The following COL27A1 variants were observed in gnomAD, a reference collection of about 807,000 sequenced individuals.
The protein encoded by COL27A1 is collagen alpha-1(XXVII) chain.
COL27A1 carries 106 observed loss-of-function variants against 251.3 expected under a neutral mutation model. The ratio of observed to expected loss-of-function variants is 0.42; its 90% confidence interval spans 0.36 to 0.50. The LOEUF is 0.50. Among genes scored for constraint, COL27A1 ranks in the 20% least tolerant of loss-of-function variants. The pLI, the probability that COL27A1 is intolerant of heterozygous loss-of-function variation, is 0.00. For synonymous variants in COL27A1, 1,000 were observed against 986.3 expected, an observed-to-expected ratio of 1.01 and a Z score of -0.26; for missense variants, 2,325 against 2,522.8, an observed-to-expected ratio of 0.92 and a Z score of 1.68.
chr9:114,240,525 C>G lies in COL27A1; in HGVS notation c.2835+38C>G, dbSNP rs775165487. The stretch of plus-strand genomic sequence containing the variant: ...GGCCCCCTCCACTGCCCATCCTGGC[C>G]TGATTGCAGCCCCCAGCCTGCCCTG... On this transcript the variant is annotated intron_variant, in intron 21 of 60. Transcript: ENST00000356083. 6 of 1,582,562 alleles carry G rather than the reference C, an allele frequency of 3.8e-6. No individual in the cohort carries two copies. In the South Asian group the frequency reaches 6.7e-5, roughly 18 times the overall value.
chr9:114,233,100 C>G (rs1463785906), intron 16 of COL27A1, among the ~76,000 whole-genome samples: 1 of 152,196 alleles, frequency 6.6e-6, no homozygotes, highest in Admixed American at 6.5e-5. Flanking sequence ...GGCCACGCAG[C>G]TGGTAAGTAG....
chr9:114,289,008 A>G, intron 44 of COL27A1, 41 bp downstream of exon 44: 1 of 1,603,018 alleles, frequency 6.2e-7, no homozygotes, highest in Non-Finnish European at 8.5e-7. Flanking sequence ...TCCCACCCTG[A>G]GTGGGGCGGA....
chr9:114,200,480 C>G (rs1161266680), intron 7 of COL27A1, among the ~76,000 whole-genome samples: 4 of 152,214 alleles, frequency 2.6e-5, no homozygotes, highest in African/African-American at 9.6e-5. Context: ...TGCTGGGACT[C>G]AACAGACATT....
Position 114,251,810 on chromosome 9 carries a change from C to T in COL27A1, c.3034-783C>T, listed in dbSNP as rs796770315. Among the ~76,000 whole-genome samples the T allele has an allele frequency of 3.6e-4, 55 of 152,362 alleles. 1 individual carries two copies. The highest frequency in any genetic ancestry group is 1.3e-3 in the African/African-American group (53 of 41,592). On this transcript the variant is annotated intron_variant, in intron 25 of 60. Coordinates refer to ENST00000356083, the MANE Select transcript of COL27A1 (RefSeq NM_032888.4). ...CTTCCCGAGGGAAGCTTTCCCTGAC[C>T]GGCTCTGCCCCCAAGTGGGTCAAGT...
chr9:114,278,915 A>G (rs1323519943), intron 37 of COL27A1, among the ~76,000 whole-genome samples: 1 of 152,102 alleles, frequency 6.6e-6, no homozygotes, highest in Admixed American at 6.5e-5. Flanking sequence ...AAATGCATCT[A>G]TATGGATGGG....
intron 13 of COL27A1, among the ~76,000 whole-genome samples, chr9:114,221,967 C>T (rs1831140565): frequency 1.3e-5 from 2 of 152,262 alleles, no homozygotes; most frequent in Admixed American, 6.5e-5. Context: ...TTCCTTTATG[C>T]TTCCAATGGG....
intron 12 of COL27A1, 137 bp from the exon 13 acceptor site, chr9:114,219,654 C>T (rs917313398): frequency 3.4e-5 from 22 of 656,638 alleles, no homozygotes; most frequent in Admixed American, 4.7e-5. Flanking sequence ...ACCTCAGGAC[C>T]GCACTGTCTG....
chr9:114,167,912 C>T lies in COL27A1; in HGVS notation c.357C>T (p.Ser119=). The T allele has an allele frequency of 6.2e-7, 1 of 1,612,438 alleles. No individual in the cohort carries two copies. Among genetic ancestry groups the T allele is most frequent in the Non-Finnish European group, 8.5e-7 (1 of 1,179,828 alleles). ...ATGCCTTCCTCTTCGCTGTCCGCAG[C>T]CAGAAACGCAAGCTGCAGCTGGGCC... ...VNHAFLFAVR[S]QKRKLQLGLQ... is the part of the protein sequence containing the mutation. Residue 119 remains serine, a synonymous_variant, in exon 3 of 61, where the codon AGC becomes AGT. Transcript: ENST00000356083.
At chr9:114,234,095 G>A (rs1832170661) in intron 16 of COL27A1, among the ~76,000 whole-genome samples, 1 of 151,918 alleles carries the variant, frequency 6.6e-6, no homozygotes, top group South Asian at 2.1e-4. Flanking sequence ...CAAAGCTCCT[G>A]CTCCGAGCCC....
At chr9:114,278,605 A>G (rs76837930) in intron 37 of COL27A1, among the ~76,000 whole-genome samples, 25,129 of 132,116 alleles carry the variant, frequency 0.19, 2,732 homozygotes, top group East Asian at 0.29. Flanking sequence ...GGGAGTGGTG[A>G]TGATGATGAT....
chr9:114,311,023 C>A lies in COL27A1; in HGVS notation c.*328C>A, dbSNP rs191710810. On this transcript the variant is annotated 3_prime_UTR_variant, in exon 61 of 61. Transcript: ENST00000356083. ...CCAGCTTCCTGCCCAAAGAGCCCCA[C>A]ATTCAAGCCAACTTGAGGGAAGGGG... 3.4e-5 allele frequency: 9 copies of A among 263,420 alleles called. No individual in the cohort carries two copies. The East Asian group carries it at 5.2e-4, about 15-fold the overall frequency. The allele number at this position is 263,420 out of a possible 1,614,324, so 16.3% of individuals were successfully genotyped here. A position where few individuals can be genotyped will look rare whatever the true frequency, so the allele number is the denominator to read the frequency against.
Position 114,252,664 on chromosome 9 carries a change from A to C in COL27A1, c.3087+18A>C. Reference sequence around the variant, plus strand: ...GGTCGATGGTAAGGAGTAAGTCTGCATCCTCTTGCCCTCTCCTGTTGCAGC... The same window carrying C: ...GGTCGATGGTAAGGAGTAAGTCTGCCTCCTCTTGCCCTCTCCTGTTGCAGC... On this transcript the variant is annotated intron_variant, in intron 26 of 60. Coordinates refer to ENST00000356083, the MANE Select transcript of COL27A1 (RefSeq NM_032888.4). The C allele has an allele frequency of 6.2e-7, 1 of 1,611,858 alleles. No homozygotes were observed. Among genetic ancestry groups the C allele is most frequent in the African/African-American group, 1.3e-5 (1 of 74,968 alleles).
At chr9:114,270,013 A>G (rs1010177164) in intron 35 of COL27A1, among the ~76,000 whole-genome samples, 1 of 152,204 alleles carries the variant, frequency 6.6e-6, no homozygotes, top group African/African-American at 2.4e-5. Context: ...AGCCTGGTTG[A>G]GGTTCAGCCA....
intron 49 of COL27A1, among the ~76,000 whole-genome samples, chr9:114,295,181 A>G (rs140608806): frequency 4.6e-5 from 7 of 152,380 alleles, no homozygotes; most frequent in African/African-American, 1.4e-4. Flanking sequence ...CTAAAAAGCA[A>G]TACTACTTAT....
In COL27A1 at chr9:114,292,114, G is replaced by T; in HGVS notation, c.4488G>T (p.Gly1496=). The change falls in exon 49 of 61, where the codon GGG becomes GGT. Residue 1496 remains glycine (G), a synonymous_variant. Coordinates refer to ENST00000356083, the MANE Select transcript of COL27A1 (RefSeq NM_032888.4). The part of the protein sequence containing the change: ...QGPPGFKGES[G]LPGQLGPPGK... ...TGTGTTTCTTTAAGGGTGAGAGTGGGTTACCCGGACAGCTGGGTCCCCCTG... is the reference window on the plus strand; with the variant it reads ...TGTGTTTCTTTAAGGGTGAGAGTGGTTTACCCGGACAGCTGGGTCCCCCTG... 1 of 1,557,350 alleles carries T rather than the reference G, an allele frequency of 6.4e-7. No homozygotes were observed. Among genetic ancestry groups the T allele is most frequent in the Non-Finnish European group, 8.7e-7 (1 of 1,150,258 alleles).
intron 2 of COL27A1, among the ~76,000 whole-genome samples, chr9:114,164,355 A>G (rs1411345125): frequency 6.6e-6 from 1 of 152,224 alleles, no homozygotes; most frequent in Non-Finnish European, 1.5e-5. Context: ...CAGGGCTCAC[A>G]GTGGTCTGAC....
At chr9:114,281,838 A>G (rs1032710077) in intron 37 of COL27A1, among the ~76,000 whole-genome samples, 2 of 152,142 alleles carry the variant, frequency 1.3e-5, no homozygotes, top group African/African-American at 2.4e-5. Flanking sequence ...CCTCAACTGG[A>G]AGCGGGTCTC....
intron 34 of COL27A1, among the ~76,000 whole-genome samples, chr9:114,268,614 C>T (rs1323180827): frequency 1.3e-5 from 2 of 152,216 alleles, no homozygotes; most frequent in Non-Finnish European, 2.9e-5. Context: ...ACTGAATAGT[C>T]TCACGAGAGC....
intron 49 of COL27A1, among the ~76,000 whole-genome samples, chr9:114,298,157 G>C (rs554358670): frequency 2.0e-5 from 3 of 148,066 alleles, no homozygotes; most frequent in Non-Finnish European, 4.5e-5. Flanking sequence ...AAAAGTACAA[G>C]ATATGTTCAG....
Sources: allele counts gnomAD v4.1 joint callset (sites outside exome capture counted in the v4.1 genomes callset), GRCh38; gene constraint gnomAD v4.1.1; transcripts MANE v1.5; gene names NCBI Gene and HGNC (gene_info 2026-07-23, HGNC 2026-07-21).